LDLRAD4: variants seen among roughly 807,000 people sequenced by gnomAD.
The protein encoded by LDLRAD4 is low density lipoprotein receptor class A domain containing 4.
A neutral mutation model predicts 17.0 loss-of-function variants in LDLRAD4; 5 were observed. The ratio of observed to expected loss-of-function variants is 0.29; its 90% CI spans 0.15 to 0.62. LDLRAD4 has a LOEUF of 0.62. Among genes scored for constraint, LDLRAD4 ranks in the 20% least tolerant of loss-of-function variants. The probability of loss-of-function intolerance (pLI) is 0.84; values close to 1 mark genes in which losing one functional copy is unlikely to be tolerated. For missense variants in LDLRAD4, 340 were observed against 424.7 expected (o/e 0.80, Z 1.75); for synonymous variants, 168 against 171.8 (o/e 0.98, Z 0.17).
intron 1 of LDLRAD4, among the ~76,000 whole-genome samples, chr18:13,290,966 G>A (rs2045930585): frequency 6.6e-6 from 1 of 152,228 alleles, no homozygotes; most frequent in African/African-American, 2.4e-5. Flanking sequence ...GGCCCAGTCA[G>A]CCCTTCTTTT....
intron 3 of LDLRAD4, among the ~76,000 whole-genome samples, chr18:13,595,448 C>CT (rs1230611292): frequency 6.6e-6 from 1 of 151,704 alleles, no homozygotes; most frequent in Non-Finnish European, 1.5e-5. Flanking sequence ...TCTAGATTTC[C>CT]TTTTGGGGGA....
chr18:13,603,833 A>G (rs1287164313), intron 3 of LDLRAD4, among the ~76,000 whole-genome samples: 1 of 152,242 alleles, frequency 6.6e-6, no homozygotes, highest in Non-Finnish European at 1.5e-5. Context: ...AAGCAGGGAC[A>G]GCAGGGACAA....
At chr18:13,572,035 C>G (rs2094699679) in intron 3 of LDLRAD4, among the ~76,000 whole-genome samples, 1 of 152,130 alleles carries the variant, frequency 6.6e-6, no homozygotes, top group Non-Finnish European at 1.5e-5. Flanking sequence ...TAAGTCCCCC[C>G]CTTAACATTG....
chr18:13,523,997 G>A (rs571559726), intron 3 of LDLRAD4, among the ~76,000 whole-genome samples: 2 of 152,236 alleles, frequency 1.3e-5, no homozygotes, highest in Admixed American at 6.5e-5. Flanking sequence ...GGACACAGGA[G>A]GGGGACCATT....
rs116279115 is a variant in LDLRAD4, at chr18:13,421,879, G to A, written c.41-16365G>A. ...ACGGGCCTGGGGCTGGGGTGGGCAG[G>A]AGTCCTCGCTGCACCTGCAGCCTTG... On this transcript the variant is annotated intron_variant, in intron 2 of 5. Coordinates refer to ENST00000359446, the Ensembl canonical transcript of LDLRAD4. Among the ~76,000 whole-genome samples, 623 of 152,336 alleles carry A rather than the reference G, an allele frequency of 4.1e-3. 7 individuals are homozygous for A. The highest frequency in any genetic ancestry group is 0.014 in the African/African-American group (594 of 41,580).
chr18:13,296,224 A>G (rs1447301934), intron 1 of LDLRAD4, among the ~76,000 whole-genome samples: 2 of 152,224 alleles, frequency 1.3e-5, no homozygotes, highest in East Asian at 3.8e-4. Context: ...CGACCGCCAA[A>G]TCAGACCGGG....
intron 3 of LDLRAD4, among the ~76,000 whole-genome samples, chr18:13,582,122 C>T (rs1050381401): frequency 2.0e-5 from 3 of 152,102 alleles, no homozygotes; most frequent in Non-Finnish European, 4.4e-5. Flanking sequence ...CACCCAGCAT[C>T]AATATTTTCT....
At chr18:13,391,524 A>G (rs1464420437) in intron 2 of LDLRAD4, among the ~76,000 whole-genome samples, 1 of 152,222 alleles carries the variant, frequency 6.6e-6, no homozygotes, top group Non-Finnish European at 1.5e-5. Flanking sequence ...GAATGCTTGC[A>G]TACAGGAATT....
intron 3 of LDLRAD4, among the ~76,000 whole-genome samples, chr18:13,496,016 C>T (rs2093462036): frequency 6.6e-6 from 1 of 152,158 alleles, no homozygotes; most frequent in African/African-American, 2.4e-5. Context: ...CTGGCGCTCC[C>T]ACCACCCGCC....
chr18:13,357,337 T>C (rs2083404637), intron 1 of LDLRAD4, among the ~76,000 whole-genome samples: 1 of 151,732 alleles, frequency 6.6e-6, no homozygotes. Flanking sequence ...TCTCCTAGAG[T>C]GTTGGTATTA....
chr18:13,621,395 G>T lies in LDLRAD4; in HGVS notation c.336+124G>T. On this transcript the variant is annotated intron_variant, in intron 4 of 5. Coordinates refer to ENST00000359446, the Ensembl canonical transcript of LDLRAD4. The surrounding 1 kb of genome is among the most constrained non-coding windows in gnomAD (Gnocchi z 5.5). ...TAACAAACGGGGCGAAGCGCACCTC[G>T]TAAGTGTTCCACTTAGTGAGTCCCC... 2.8e-6 allele frequency: 2 copies of T among 704,246 alleles called. No homozygotes were observed. The highest frequency in any genetic ancestry group is 1.7e-5 in the South Asian group (1 of 58,838). 43.6% of individuals were successfully genotyped at this position (704,246 alleles called of 1,614,324 possible). A position where few individuals can be genotyped will look rare whatever the true frequency, so the allele number is the denominator to read the frequency against.
At chr18:13,512,660 T>G (rs2093800336) in intron 3 of LDLRAD4, among the ~76,000 whole-genome samples, 1 of 152,244 alleles carries the variant, frequency 6.6e-6, no homozygotes, top group Non-Finnish European at 1.5e-5. Context: ...CTACTGCATT[T>G]AATTTGAGAA....
At chr18:13,289,966 A>G (rs1330572947) in intron 1 of LDLRAD4, among the ~76,000 whole-genome samples, 1 of 152,208 alleles carries the variant, frequency 6.6e-6, no homozygotes, top group Non-Finnish European at 1.5e-5. Flanking sequence ...TCCGGTCAGG[A>G]CAGCAGATTC....
chr18:13,451,394 C>G (rs940563350), intron 3 of LDLRAD4, among the ~76,000 whole-genome samples: 3 of 152,124 alleles, frequency 2.0e-5, no homozygotes, highest in East Asian at 3.9e-4. Context: ...CACCTCCCCC[C>G]TCACTCCTTG....
chr18:13,321,861 CAAAAAAAAAAAAAAA>C (rs57033432), intron 1 of LDLRAD4, among the ~76,000 whole-genome samples: 3,373 of 62,062 alleles, frequency 0.054, 202 homozygotes, highest in East Asian at 0.36. Context: ...GACTCCGTCT[CAAAAAAAAAAAAAAA>C]AAAAAAAAAA....
chr18:13,429,960 ATCCTGGG>A (rs61488097), intron 2 of LDLRAD4, among the ~76,000 whole-genome samples: 1,526 of 152,228 alleles, frequency 0.01, 24 homozygotes, highest in African/African-American at 0.034. Context: ...GGAGGCCGGT[ATCCTGGG>A]TCCTGGGTCT....
intron 3 of LDLRAD4, among the ~76,000 whole-genome samples, chr18:13,494,524 A>T (rs1420398983): frequency 6.7e-6 from 1 of 149,618 alleles, no homozygotes; most frequent in African/African-American, 2.5e-5. Context: ...TAGAAAATAT[A>T]CATTGAGGCT....
chr18:13,414,342 C>G (rs1248895672), intron 2 of LDLRAD4, among the ~76,000 whole-genome samples: 1 of 152,204 alleles, frequency 6.6e-6, no homozygotes, highest in East Asian at 1.9e-4. Flanking sequence ...TGATACCCAC[C>G]TCATTGCACT....
chr18:13,495,036 A>G (rs2093439043), intron 3 of LDLRAD4, among the ~76,000 whole-genome samples: 2 of 152,074 alleles, frequency 1.3e-5, no homozygotes, highest in African/African-American at 4.8e-5. Flanking sequence ...TTTGGCATCA[A>G]GGAGAGATTT....
Sources: gnomAD v4.1 joint callset for allele counts (sites outside exome capture counted in the v4.1 genomes callset) on GRCh38, gnomAD v4.1.1 for gene constraint, Gnocchi (gnomAD v3.1) non-coding constraint, MANE v1.5 for transcripts, NCBI Gene and HGNC (gene_info 2026-07-23, HGNC 2026-07-21) for gene names.